TMEM260: variants seen among roughly 807,000 people sequenced by gnomAD.
TMEM260 encodes the protein transmembrane protein 260, also known as protein O-mannosyl-transferase TMEM260.
TMEM260 carries 82 observed loss-of-function variants against 88.9 expected under a neutral mutation model. The observed-to-expected ratio is 0.92, with a 90% confidence interval of 0.77 to 1.11. The LOEUF (loss-of-function observed/expected upper bound fraction) is 1.11, where lower values mean the gene tolerates loss of function less well. Among genes scored for constraint, TMEM260 ranks in the 50% least tolerant of loss-of-function variants. The pLI is 0.00. For missense variants in TMEM260, 902 were observed against 853.4 expected (o/e 1.06, Z -0.71); for synonymous variants, 314 against 309.3 (o/e 1.02, Z -0.16).
intron 3 of TMEM260, among the ~76,000 whole-genome samples, chr14:56,602,512 G>A (rs1886638786): frequency 6.6e-6 from 1 of 152,080 alleles, no homozygotes; most frequent in South Asian, 2.1e-4. Flanking sequence ...AGTCATAAAG[G>A]ATATGTTTTA....
intron 6 of TMEM260, among the ~76,000 whole-genome samples, chr14:56,611,105 T>A (rs962140215): frequency 1.3e-5 from 2 of 151,936 alleles, no homozygotes; most frequent in African/African-American, 4.8e-5. Flanking sequence ...TAGCTGGGAT[T>A]ACAGACATGC....
intron 1 of TMEM260, among the ~76,000 whole-genome samples, chr14:56,580,395 A>G (rs941462682): frequency 2.6e-5 from 4 of 152,218 alleles, no homozygotes; most frequent in Admixed American, 2.0e-4. Context: ...GTCCACAGAT[A>G]TTATTCACGG....
At chr14:56,590,929 C>G (rs557950713) in intron 3 of TMEM260, among the ~76,000 whole-genome samples, 24 of 152,192 alleles carry the variant, frequency 1.6e-4, no homozygotes, top group Non-Finnish European at 3.4e-4. Context: ...AGAGCAGCCC[C>G]CGCCTGCCAG....
chr14:56,590,512 A>C (rs932295228), intron 3 of TMEM260, among the ~76,000 whole-genome samples: 3 of 152,342 alleles, frequency 2.0e-5, no homozygotes, highest in Admixed American at 6.5e-5. Flanking sequence ...GATGAGGAAG[A>C]GCTCAATCTC....
rs1030728594 is a variant in TMEM260, at chr14:56,607,702, G to A, written c.637-1404G>A. 9.9e-5 allele frequency among the ~76,000 whole-genome samples: 15 copies of A among 151,726 alleles called. 1 individual carries two copies. Among genetic ancestry groups the A allele is most frequent in the South Asian group, 6.2e-4 (3 of 4,808 alleles). On this transcript the variant is annotated intron_variant, in intron 5 of 15. Transcript: ENST00000261556. ...TGTATGTACATATATACATAGGGAC[G>A]TGTGTGTGTGTATATATATATGTAT...
the TMEM260 span, among the ~76,000 whole-genome samples, chr14:56,659,851 A>G: frequency 0.032 from 4,852 of 152,326 alleles, 265 homozygotes; most frequent in African/African-American, 0.11. Flanking sequence ...AAGATGTGAA[A>G]TTAAACACAT....
intron 6 of TMEM260, 76 bp from the exon 7 acceptor site, chr14:56,612,169 G>A: frequency 7.3e-7 from 1 of 1,365,714 alleles, no homozygotes; most frequent in Non-Finnish European, 1.0e-6. Context: ...AATCTTTTAA[G>A]ATTATTAAAA....
chr14:56,607,948 A>C (rs572623293), intron 5 of TMEM260, among the ~76,000 whole-genome samples: 6 of 152,346 alleles, frequency 3.9e-5, no homozygotes, highest in African/African-American at 1.4e-4. Context: ...TCATCTTACC[A>C]TTCTAAATTC....
chr14:56,629,647 C>T (rs569584897), intron 12 of TMEM260, among the ~76,000 whole-genome samples: 2 of 152,206 alleles, frequency 1.3e-5, no homozygotes, highest in South Asian at 4.2e-4. Flanking sequence ...CTTAGTTTTC[C>T]TTTATCTGAA....
chr14:56,624,825 C>T (rs546723956), intron 11 of TMEM260, among the ~76,000 whole-genome samples: 17 of 135,250 alleles, frequency 1.3e-4, no homozygotes, highest in Middle Eastern at 3.8e-3. Context: ...GGTCCCCAAC[C>T]TTTTTTACAC....
intron 1 of TMEM260, among the ~76,000 whole-genome samples, chr14:56,581,141 G>A (rs1885103790): frequency 6.6e-6 from 1 of 152,102 alleles, no homozygotes; most frequent in Admixed American, 6.5e-5. Context: ...AAAGATGAAG[G>A]ACACCTCTCT....
chr14:56,635,078 T>A (rs1287292033), intron 14 of TMEM260, 126 bp downstream of exon 14: 8 of 803,216 alleles, frequency 1.0e-5, no homozygotes, highest in East Asian at 7.4e-5. Context: ...TGAGCAATTA[T>A]GTTTTTGAGG....
At chr14:56,618,383 G>GAGAT (rs1887712250) in intron 9 of TMEM260, among the ~76,000 whole-genome samples, 1 of 151,926 alleles carries the variant, frequency 6.6e-6, no homozygotes, top group African/African-American at 2.4e-5. Context: ...TCTGAAAAGG[G>GAGAT]AGATGCACCT....
At chr14:56,613,895 C>CAAAAAAAAAAAAAAAAAAAAAAAA (rs35019348) in intron 7 of TMEM260, 1 of 133,154 alleles carries the variant, frequency 7.5e-6, no homozygotes, top group East Asian at 2.6e-4. Flanking sequence ...CCCGTCTCTG[C>CAAAAAAAAAAAAAAAAAAAAAAAA]AAAAAAAAAA....
chr14:56,628,614 C>T (rs1245960761), intron 12 of TMEM260, among the ~76,000 whole-genome samples: 1 of 151,952 alleles, frequency 6.6e-6, no homozygotes, highest in Admixed American at 6.6e-5. Context: ...GTACTTTTCG[C>T]TGTCTATACA....
intron 3 of TMEM260, among the ~76,000 whole-genome samples, chr14:56,603,499 C>T (rs1886702300): frequency 6.6e-6 from 1 of 152,128 alleles, no homozygotes; most frequent in Non-Finnish European, 1.5e-5. Flanking sequence ...AAGAAAATGA[C>T]ACAGGTTTGT....
At chr14:56,658,462 G>A in the TMEM260 span, among the ~76,000 whole-genome samples, 2 of 151,924 alleles carry the variant, frequency 1.3e-5, no homozygotes, top group Admixed American at 6.6e-5. Context: ...AGCCAGGCTG[G>A]TCTCAAACTC....
Position 56,615,971 on chromosome 14 carries a change from A to G in TMEM260, c.885A>G (p.Glu295=). Residue 295 remains glutamate, a synonymous_variant, in exon 8 of 16, where the codon GAA becomes GAG. Coordinates refer to ENST00000261556, the MANE Select transcript of TMEM260 (RefSeq NM_017799.4). The part of the protein sequence containing the change: ...LLSQVTNMRT[E]LSFNIQALAV... ...CTCAAGTAACAAATATGAGGACCGA[A>G]CTCTCATTCAACATCCAAGCCCTTG... The G allele has an allele frequency of 6.2e-7, 1 of 1,613,228 alleles. No homozygotes were observed. The highest frequency in any genetic ancestry group is 8.5e-7 in the Non-Finnish European group (1 of 1,179,402).
At chr14:56,590,219 G>T (rs559550384) in intron 3 of TMEM260, among the ~76,000 whole-genome samples, 20 of 152,284 alleles carry the variant, frequency 1.3e-4, no homozygotes, top group Admixed American at 1.2e-3. Flanking sequence ...TAAGTAGAGG[G>T]ACATATTAGG....
Sources: gnomAD v4.1 joint callset for allele counts (sites outside exome capture counted in the v4.1 genomes callset) on GRCh38, gnomAD v4.1.1 for gene constraint, MANE v1.5 for transcripts, NCBI Gene and HGNC (gene_info 2026-07-23, HGNC 2026-07-21) for gene names.